The following SGCD variants were observed in gnomAD, a reference collection of about 807,000 sequenced individuals.
SGCD encodes the protein delta-sarcoglycan.
Under a neutral mutation model 36.6 loss-of-function variants are expected in SGCD, and 18 were observed. That is an observed-to-expected ratio of 0.49 (90% CI 0.34 to 0.73). The LOEUF is 0.73. Among genes scored for constraint, SGCD ranks in the 30% least tolerant of loss-of-function variants. The pLI, the probability that SGCD is intolerant of heterozygous loss-of-function variation, is 0.01. For missense variants in SGCD, 387 were observed against 346.7 expected (o/e 1.12, Z -0.92); for synonymous variants, 133 against 130.6 (o/e 1.02, Z -0.12).
chr5:156,118,701 A>G (rs1315403083), intron 2 of SGCD, among the ~76,000 whole-genome samples: 2 of 152,152 alleles, frequency 1.3e-5, no homozygotes, highest in East Asian at 3.9e-4. Flanking sequence ...AGTTCCTTTG[A>G]TTTCACCATT....
At chr5:155,985,154 A>G (rs1758305648) in intron 1 of SGCD, among the ~76,000 whole-genome samples, 1 of 152,194 alleles carries the variant, frequency 6.6e-6, no homozygotes, top group African/African-American at 2.4e-5. Flanking sequence ...TCCATTTATC[A>G]TCTTTCTGTT....
chr5:156,680,556 TATTTC>T (rs1409129540), intron 7 of SGCD, among the ~76,000 whole-genome samples: 1 of 152,230 alleles, frequency 6.6e-6, no homozygotes, highest in African/African-American at 2.4e-5. Context: ...TAGAGTCCTG[TATTTC>T]ATCCACTCAA....
chr5:156,417,102 G>GA (rs1472042337), intron 3 of SGCD, among the ~76,000 whole-genome samples: 1 of 152,004 alleles, frequency 6.6e-6, no homozygotes, highest in Non-Finnish European at 1.5e-5. Context: ...TCATTTTAGA[G>GA]AAAAAAATGT....
At chr5:156,001,335 A>T (rs964285189) in intron 1 of SGCD, among the ~76,000 whole-genome samples, 3 of 152,248 alleles carry the variant, frequency 2.0e-5, no homozygotes, top group African/African-American at 7.2e-5. Flanking sequence ...GAGTCAAAAA[A>T]TAGAGACTAA....
intron 4 of SGCD, among the ~76,000 whole-genome samples, chr5:156,574,428 A>G (rs1415274074): frequency 6.6e-6 from 1 of 152,168 alleles, no homozygotes; most frequent in Non-Finnish European, 1.5e-5. Context: ...TACTGTTACT[A>G]TCTCCATTTT....
chr5:156,597,112 T>C (rs1443140812), intron 6 of SGCD, among the ~76,000 whole-genome samples: 2 of 152,200 alleles, frequency 1.3e-5, no homozygotes, highest in East Asian at 3.8e-4. Flanking sequence ...ACTCCCTTTT[T>C]CTTTCAGGGC....
intron 3 of SGCD, among the ~76,000 whole-genome samples, chr5:156,500,623 T>C (rs1346114912): frequency 6.6e-6 from 1 of 152,210 alleles, no homozygotes; most frequent in Non-Finnish European, 1.5e-5. Context: ...AAAACTGTTT[T>C]ACACACCTAT....
chr5:156,218,066 G>T (rs878951354), intron 3 of SGCD, among the ~76,000 whole-genome samples: 1 of 152,062 alleles, frequency 6.6e-6, no homozygotes, highest in Non-Finnish European at 1.5e-5. Context: ...TTGAGGTCAG[G>T]AGTTTGAGAC....
chr5:156,172,215 A>T (rs1763362238), intron 3 of SGCD, among the ~76,000 whole-genome samples: 2 of 152,186 alleles, frequency 1.3e-5, no homozygotes, highest in Non-Finnish European at 2.9e-5. Context: ...ACCCGGAGGC[A>T]GAGGTTGCAG....
intron 4 of SGCD, among the ~76,000 whole-genome samples, chr5:156,542,152 A>G (rs11750620): frequency 0.11 from 16,126 of 152,270 alleles, 1,137 homozygotes; most frequent in Admixed American, 0.17. Context: ...AAAAAGGAAG[A>G]TAAGTTATTG....
Position 156,552,817 on chromosome 5 carries a change from T to C in SGCD, c.295-36414T>C, listed in dbSNP as rs180802371. Among the ~76,000 whole-genome samples, 643 of 152,354 alleles carry C rather than the reference T, an allele frequency of 4.2e-3. 6 individuals carry two copies. Among genetic ancestry groups the C allele is most frequent in the African/African-American group, 0.015 (613 of 41,578 alleles). On this transcript the variant is annotated intron_variant, in intron 4 of 8. Transcript: ENST00000337851. ...CAGCCCAAAATATTTTTAGATTTGT[T>C]TTCAGAATACCTTTTCATCCATTGC...
At chr5:156,182,060 T>G (rs1387664538) in intron 3 of SGCD, among the ~76,000 whole-genome samples, 1 of 152,208 alleles carries the variant, frequency 6.6e-6, no homozygotes, top group Non-Finnish European at 1.5e-5. Flanking sequence ...AGCACAGGGC[T>G]TTAGGTAAAG....
chr5:156,462,404 G>A (rs1432083290), intron 3 of SGCD, among the ~76,000 whole-genome samples: 1 of 151,960 alleles, frequency 6.6e-6, no homozygotes, highest in Non-Finnish European at 1.5e-5. Flanking sequence ...TAGAACTGAA[G>A]GAAACCAAAG....
chr5:156,714,603 CT>C (rs1438407283), intron 7 of SGCD, among the ~76,000 whole-genome samples: 15 of 152,182 alleles, frequency 9.9e-5, no homozygotes, highest in African/African-American at 3.6e-4. Flanking sequence ...TATGTTTCCC[CT>C]AGGAGCAGTG....
chr5:155,964,766 G>A (rs767190488), intron 1 of SGCD, among the ~76,000 whole-genome samples: 21 of 152,092 alleles, frequency 1.4e-4, no homozygotes, highest in Non-Finnish European at 2.6e-4. Context: ...TAACTCCAGA[G>A]GCCAGGCAAT....
upstream of SGCD, among the ~76,000 whole-genome samples, chr5:156,323,435 A>C (rs1475257453): frequency 2.0e-5 from 3 of 152,306 alleles, no homozygotes; most frequent in East Asian, 5.8e-4. Flanking sequence ...CTACAGTAAA[A>C]ATATCCTTTG....
At chr5:156,239,995 T>C (rs1416827615) in intron 3 of SGCD, among the ~76,000 whole-genome samples, 1 of 152,172 alleles carries the variant, frequency 6.6e-6, no homozygotes, top group Non-Finnish European at 1.5e-5. Context: ...AAGTCCCAAA[T>C]AGGTAACTTA....
chr5:156,255,859 T>A (rs184993586), intron 3 of SGCD, among the ~76,000 whole-genome samples: 1 of 152,224 alleles, frequency 6.6e-6, no homozygotes, highest in East Asian at 1.9e-4. Context: ...ATAGCTATAT[T>A]ATATTTTTAC....
chr5:155,975,910 G>A (rs1037576303), intron 1 of SGCD, among the ~76,000 whole-genome samples: 12 of 151,834 alleles, frequency 7.9e-5, no homozygotes, highest in Non-Finnish European at 1.3e-4. Flanking sequence ...GATTACAGGC[G>A]TGAGCCACTG....
Sources: gnomAD v4.1 joint callset for allele counts (sites outside exome capture counted in the v4.1 genomes callset) on GRCh38, gnomAD v4.1.1 for gene constraint, MANE v1.5 for transcripts, NCBI Gene and HGNC (gene_info 2026-07-23, HGNC 2026-07-21) for gene names.